Variants in EXOC7 observed in about 807,000 individuals in gnomAD.
EXOC7 encodes exocyst complex component Exo70.
EXOC7 carries 51 observed loss-of-function variants against 87.6 expected under a neutral mutation model. That is an observed-to-expected ratio of 0.58 (90% CI 0.46 to 0.73). The LOEUF is 0.73. Among genes scored for constraint, EXOC7 ranks in the 30% least tolerant of loss-of-function variants. The probability of loss-of-function intolerance (pLI) is 0.00; values close to 1 mark genes in which losing one functional copy is unlikely to be tolerated. For missense variants in EXOC7, 744 were observed against 888.4 expected, an observed-to-expected ratio of 0.84 and a Z score of 2.07; for synonymous variants, 327 against 357.1, an observed-to-expected ratio of 0.92 and a Z score of 0.95.
At chr17:76,103,208 G>A in intron 2 of EXOC7, 153 bp downstream of exon 2, 1 of 685,138 alleles carries the variant, frequency 1.5e-6, no homozygotes, top group Non-Finnish European at 2.5e-6. Context: ...CTAGGCAGGA[G>A]AGATGCCAAA....
intron 2 of EXOC7, 145 bp from the exon 3 acceptor site, chr17:76,102,008 C>T (rs2068086665): frequency 1.6e-6 from 1 of 606,602 alleles, no homozygotes; most frequent in Admixed American, 3.3e-5. Flanking sequence ...ACCTGTTCCC[C>T]ACTGTATCTT....
intron 2 of EXOC7, 120 bp downstream of exon 2, chr17:76,103,241 A>G (rs2068161560): frequency 1.1e-6 from 1 of 873,106 alleles, no homozygotes; most frequent in Non-Finnish European, 1.8e-6. Context: ...AAACCCACAC[A>G]CTGCCTCCGT....
At chr17:76,103,055 C>G (rs1375640209) in intron 2 of EXOC7, 1 of 408,986 alleles carries the variant, frequency 2.4e-6, no homozygotes, top group African/African-American at 2.1e-5. Flanking sequence ...GACATATGCC[C>G]AGTACCTAGC....
At chr17:76,088,331 T>TG (rs2067305744) in intron 10 of EXOC7, 133 bp downstream of exon 10, 1 of 1,001,990 alleles carries the variant, frequency 1.0e-6, no homozygotes, top group African/African-American at 1.6e-5. Context: ...ACATGGGTGC[T>TG]GACAGGCCAG....
chr17:76,094,746 G>C (rs78925149), intron 5 of EXOC7, among the ~76,000 whole-genome samples, 165 bp from the exon 6 acceptor site: 1 of 125,358 alleles, frequency 8.0e-6, no homozygotes, highest in South Asian at 3.3e-4. Flanking sequence ...GTCTTTCAAA[G>C]TCTTTTTTTT....
chr17:76,082,716 C>T lies in EXOC7; in HGVS notation c.*932G>A. 1.3e-6 allele frequency: 2 copies of T among 1,490,722 alleles called. No individual in the cohort carries two copies. The highest frequency in any genetic ancestry group is 1.4e-5 in the African/African-American group (1 of 71,796). 92.3% of individuals were successfully genotyped at this position (1,490,722 alleles called of 1,614,324 possible). A position where few individuals can be genotyped will look rare whatever the true frequency, so the allele number is the denominator to read the frequency against. On this transcript the variant is annotated 3_prime_UTR_variant, in exon 19 of 19. Coordinates refer to ENST00000589210, the MANE Select transcript of EXOC7 (RefSeq NM_001013839.4). ...TTGCTTTCCCATGGCTGGGGGCGGG[C>T]CATGACAGGGCCTCTGGATTAAGCC... is the stretch of plus-strand genomic sequence containing the variant.
chr17:76,094,293 G>C (rs1233747139), intron 6 of EXOC7, 121 bp downstream of exon 6: 4 of 1,089,490 alleles, frequency 3.7e-6, no homozygotes, highest in Non-Finnish European at 5.2e-6. Context: ...ACCTACAGTC[G>C]GGGTTACCAC....
intron 6 of EXOC7, 131 bp downstream of exon 6, chr17:76,094,283 A>C (rs2067639567): frequency 2.1e-6 from 2 of 951,650 alleles, no homozygotes; most frequent in Admixed American, 3.0e-5. Context: ...TGTCCTGTGT[A>C]CCTACAGTCG....
chr17:76,095,351 C>T (rs2067698825), intron 5 of EXOC7, among the ~76,000 whole-genome samples: 1 of 151,612 alleles, frequency 6.6e-6, no homozygotes, highest in African/African-American at 2.4e-5. Flanking sequence ...TCACTGCAAC[C>T]TCTGCCTCCC....
chr17:76,086,228 AG>A, intron 12 of EXOC7, 83 bp from the exon 13 acceptor site: 1 of 1,343,638 alleles, frequency 7.4e-7, no homozygotes, highest in Non-Finnish European at 1.0e-6. Context: ...CAGCAGTCTG[AG>A]GGGACACTGA....
chr17:76,086,765 C>G, intron 12 of EXOC7: 2 of 1,223,070 alleles, frequency 1.6e-6, no homozygotes, highest in Non-Finnish European at 2.3e-6. Context: ...ACTCAGGCTC[C>G]CCAGTAGGTA....
intron 10 of EXOC7, 21 bp from the exon 11 acceptor site, chr17:76,088,143 G>A (rs1491002574): frequency 1.9e-6 from 3 of 1,612,678 alleles, no homozygotes; most frequent in Non-Finnish European, 2.5e-6. Flanking sequence ...ACAGCCTCTG[G>A]TTCCCTGAAG....
In EXOC7 at chr17:76,082,468, TC is replaced by T. The variant is rs752250507; in HGVS notation, c.*1179del. The T allele has an allele frequency of 1.2e-6, 2 of 1,611,092 alleles. No individual in the cohort carries two copies. The highest frequency in any genetic ancestry group is 1.3e-5 in the African/African-American group (1 of 75,010). ...CCCTGTATCTCTCCCCACAGAGCCC[TC>T]CAGAGGAGTAAAGGGGTCACAGAGA... is the stretch of plus-strand genomic sequence containing the variant. On this transcript the variant is annotated 3_prime_UTR_variant, in exon 19 of 19. Coordinates refer to ENST00000589210, the MANE Select transcript of EXOC7 (RefSeq NM_001013839.4).
In EXOC7 at chr17:76,098,326, G is replaced by A. The variant is rs192744476; in HGVS notation, c.418-308C>T. ...TAATTTTTGTATTTTTAGTAGAGACGGGGTTTCACCATGTTGGCAGGATGG... is the reference window on the plus strand; with the variant it reads ...TAATTTTTGTATTTTTAGTAGAGACAGGGTTTCACCATGTTGGCAGGATGG... On this transcript the variant is annotated intron_variant, in intron 4 of 18. Coordinates refer to ENST00000589210, the MANE Select transcript of EXOC7 (RefSeq NM_001013839.4). 7.2e-3 allele frequency among the ~76,000 whole-genome samples: 1,089 copies of A among 151,828 alleles called. 12 individuals carry two copies. Among genetic ancestry groups the A allele is most frequent in the Middle Eastern group, 0.014 (4 of 290 alleles).
intron 9 of EXOC7, 38 bp from the exon 10 acceptor site, chr17:76,088,600 T>G: frequency 6.2e-7 from 1 of 1,603,276 alleles, no homozygotes; most frequent in East Asian, 2.2e-5. Flanking sequence ...TCACCTCCAG[T>G]CGCTCTGTGA....
chr17:76,103,749 GC>G lies in EXOC7; in HGVS notation c.-58del. The G allele has an allele frequency of 6.5e-7, 1 of 1,535,058 alleles. No homozygotes were observed. The highest frequency in any genetic ancestry group is 1.2e-5 in the South Asian group (1 of 82,356). Reference sequence around the variant, plus strand: ...TATCTTTCCTCCGCGGGCCCACCGGGCCCCCGTCCCCGTCACACCCACTTCC... The same window carrying G: ...TATCTTTCCTCCGCGGGCCCACCGGGCCCCGTCCCCGTCACACCCACTTCC... On this transcript the variant is annotated 5_prime_UTR_variant, in exon 1 of 19. Coordinates refer to ENST00000589210, the MANE Select transcript of EXOC7 (RefSeq NM_001013839.4).
intron 6 of EXOC7, chr17:76,091,440 T>C: frequency 1.8e-6 from 1 of 570,998 alleles, no homozygotes; most frequent in East Asian, 2.9e-5. Flanking sequence ...TTGATTCTAC[T>C]ACCGACCCTC....
Position 76,082,392 on chromosome 17 carries a change from G to T in EXOC7, c.*1256C>A. 1 of 1,450,684 alleles carries T rather than the reference G, an allele frequency of 6.9e-7. No individual in the cohort carries two copies. Among genetic ancestry groups the T allele is most frequent in the Non-Finnish European group, 9.3e-7 (1 of 1,072,610 alleles). 89.9% of individuals were successfully genotyped at this position (1,450,684 alleles called of 1,614,324 possible). ...GAAGCGATACAGGCTGATGACCCCT[G>T]GGGTTCGCTCTTCCGCTCATGTTGA... On this transcript the variant is annotated 3_prime_UTR_variant, in exon 19 of 19. Transcript: ENST00000589210.
chr17:76,083,882 C>T, intron 18 of EXOC7, 124 bp downstream of exon 18: 3 of 1,486,832 alleles, frequency 2.0e-6, no homozygotes, highest in Non-Finnish European at 1.8e-6. Flanking sequence ...GCCCCAAAGC[C>T]CAGGTCGCTG....
Sources: allele counts gnomAD v4.1 joint callset (sites outside exome capture counted in the v4.1 genomes callset), GRCh38; gene constraint gnomAD v4.1.1; transcripts MANE v1.5; gene names NCBI Gene and HGNC (gene_info 2026-07-23, HGNC 2026-07-21).